SLC25A21: variants seen among roughly 807,000 people sequenced by gnomAD.
The protein encoded by SLC25A21 is mitochondrial 2-oxodicarboxylate carrier.
Under a neutral mutation model 43.8 loss-of-function variants are expected in SLC25A21, and 47 were observed. That is an observed-to-expected ratio of 1.07 (90% CI 0.85 to 1.37). The LOEUF is 1.37. Among genes scored for constraint, SLC25A21 ranks in the 40% most tolerant of loss-of-function variants. The probability of loss-of-function intolerance (pLI) is 0.00; values close to 1 mark genes in which losing one functional copy is unlikely to be tolerated. For missense variants in SLC25A21, 352 were observed against 350.2 expected, an observed-to-expected ratio of 1.00 and a Z score of -0.04; for synonymous variants, 131 against 121.3, an observed-to-expected ratio of 1.08 and a Z score of -0.52.
intron 1 of SLC25A21, among the ~76,000 whole-genome samples, chr14:36,930,648 C>T (rs1234599643): frequency 6.6e-6 from 1 of 152,128 alleles, no homozygotes; most frequent in East Asian, 1.9e-4. Context: ...GTGTACACCA[C>T]AACCATAATA....
intron 3 of SLC25A21, among the ~76,000 whole-genome samples, chr14:36,768,708 G>A (rs1041511823): frequency 6.6e-6 from 1 of 152,058 alleles, no homozygotes; most frequent in South Asian, 2.1e-4. Flanking sequence ...AAAGTAATAC[G>A]GCAATGGAAG....
chr14:37,013,438 G>A (rs562128574), intron 1 of SLC25A21, among the ~76,000 whole-genome samples: 27 of 152,266 alleles, frequency 1.8e-4, no homozygotes, highest in Admixed American at 1.3e-3. Flanking sequence ...GATGCTCCAA[G>A]GGGGAAAACG....
chr14:36,792,863 C>T (rs1887537416), intron 3 of SLC25A21, among the ~76,000 whole-genome samples: 1 of 152,082 alleles, frequency 6.6e-6, no homozygotes, highest in Admixed American at 6.6e-5. Context: ...CCAATGCCAC[C>T]AAGAGTTCCA....
At chr14:36,935,812 A>G (rs148992403) in intron 1 of SLC25A21, among the ~76,000 whole-genome samples, 1,983 of 152,192 alleles carry the variant, frequency 0.013, 35 homozygotes, top group African/African-American at 0.044. Context: ...ATTCCTTTCA[A>G]TCATCCTCTC....
intron 1 of SLC25A21, among the ~76,000 whole-genome samples, chr14:37,139,686 T>C (rs1963538912): frequency 2.0e-5 from 3 of 152,174 alleles, no homozygotes; most frequent in South Asian, 2.1e-4. Flanking sequence ...CTGACTCCTA[T>C]GTTACGCTTT....
chr14:36,719,529 C>T (rs1389000511), intron 6 of SLC25A21, among the ~76,000 whole-genome samples: 1 of 152,204 alleles, frequency 6.6e-6, no homozygotes, highest in Non-Finnish European at 1.5e-5. Context: ...TTGCTCCCCA[C>T]AGAAGGTCAA....
At chr14:37,067,616 A>G (rs1014178644) in intron 1 of SLC25A21, among the ~76,000 whole-genome samples, 11 of 152,210 alleles carry the variant, frequency 7.2e-5, no homozygotes, top group African/African-American at 2.4e-4. Flanking sequence ...CAAGCAAAAA[A>G]AGCAGTAAAT....
intron 1 of SLC25A21, among the ~76,000 whole-genome samples, chr14:36,945,291 A>C (rs1319650945): frequency 1.3e-5 from 2 of 152,206 alleles, no homozygotes; most frequent in African/African-American, 4.8e-5. Flanking sequence ...CCATGTGCCC[A>C]AGTGAGACAT....
chr14:36,919,649 A>ATCTATCTGTCTG (rs1555336817), intron 1 of SLC25A21, among the ~76,000 whole-genome samples: 2 of 149,630 alleles, frequency 1.3e-5, no homozygotes, highest in African/African-American at 5.1e-5. Context: ...CTATCTATCT[A>ATCTATCTGTCTG]TCTATCTATC....
At chr14:37,040,041 A>T (rs1250944090) in intron 1 of SLC25A21, among the ~76,000 whole-genome samples, 1 of 45,900 alleles carries the variant, frequency 2.2e-5, no homozygotes. Flanking sequence ...CTAAAAATAT[A>T]AAAAAAAAAT....
intron 3 of SLC25A21, among the ~76,000 whole-genome samples, chr14:36,756,418 C>T (rs574098777): frequency 1.3e-5 from 2 of 152,274 alleles, no homozygotes; most frequent in East Asian, 3.9e-4. Flanking sequence ...ACGTGGTTCA[C>T]GAGGCTCCCC....
intron 1 of SLC25A21, among the ~76,000 whole-genome samples, chr14:37,102,405 T>C (rs564532421): frequency 6.7e-6 from 1 of 150,074 alleles, no homozygotes; most frequent in Non-Finnish European, 1.5e-5. Flanking sequence ...ATCATGCCAA[T>C]GCACTCCAGC....
rs140386930 is a variant in SLC25A21, at chr14:36,684,896, A to G, written c.633T>C (p.Phe211=). 205 of 1,609,580 alleles carry G rather than the reference A, an allele frequency of 1.3e-4. No individual in the cohort carries two copies. The highest frequency in any genetic ancestry group is 1.7e-4 in the Non-Finnish European group (199 of 1,178,974). ...KDPILEFWRK[F]GIGLLSGTIA... ...TTGTCCCCGAGAGAAGACCAATCCCAAATTTTCTCCAAAACTCCAAGATTG... is the reference window on the plus strand; with the variant it reads ...TTGTCCCCGAGAGAAGACCAATCCCGAATTTTCTCCAAAACTCCAAGATTG... Residue 211 remains phenylalanine, a synonymous_variant, in exon 8 of 10, where the codon TTT becomes TTC. Transcript: ENST00000331299.
At chr14:36,723,156 G>A (rs1018752929) in intron 6 of SLC25A21, among the ~76,000 whole-genome samples, 1 of 152,176 alleles carries the variant, frequency 6.6e-6, no homozygotes, top group African/African-American at 2.4e-5. Context: ...TAAGATACTA[G>A]CAAAAATGAC....
At chr14:36,882,822 T>C (rs1392433858) in intron 1 of SLC25A21, among the ~76,000 whole-genome samples, 4 of 151,780 alleles carry the variant, frequency 2.6e-5, no homozygotes, top group African/African-American at 9.7e-5. Context: ...TTCCTGACCC[T>C]GCACACCTCC....
At chr14:36,830,153 CT>C (rs900175421) in intron 2 of SLC25A21, among the ~76,000 whole-genome samples, 1 of 152,192 alleles carries the variant, frequency 6.6e-6, no homozygotes, top group Non-Finnish European at 1.5e-5. Flanking sequence ...GGAAAAAAAT[CT>C]TTGTACCAAA....
chr14:36,922,115 G>C (rs934434959), intron 1 of SLC25A21, among the ~76,000 whole-genome samples: 1 of 149,500 alleles, frequency 6.7e-6, no homozygotes, highest in African/African-American at 2.5e-5. Flanking sequence ...CTCCAGCCTG[G>C]GCAACAGAGC....
chr14:36,698,764 T>C (rs983453918), intron 7 of SLC25A21, among the ~76,000 whole-genome samples: 2 of 152,184 alleles, frequency 1.3e-5, no homozygotes, highest in Non-Finnish European at 2.9e-5. Flanking sequence ...TTCAGCTGCA[T>C]CAGGTCATTT....
chr14:37,100,967 G>A (rs1275860359), intron 1 of SLC25A21, among the ~76,000 whole-genome samples: 4 of 152,126 alleles, frequency 2.6e-5, no homozygotes, highest in Non-Finnish European at 4.4e-5. Flanking sequence ...GTCTCACCCA[G>A]CCCATTTGCT....
Sources: gnomAD v4.1 joint callset for allele counts (sites outside exome capture counted in the v4.1 genomes callset) on GRCh38, gnomAD v4.1.1 for gene constraint, MANE v1.5 for transcripts, NCBI Gene and HGNC (gene_info 2026-07-23, HGNC 2026-07-21) for gene names.